Variants in BLOC1S3 observed in about 807,000 individuals in gnomAD.
BLOC1S3 encodes the protein biogenesis of lysosome-related organelles complex 1 subunit 3.
BLOC1S3 carries 7 observed loss-of-function variants against 9.1 expected under a neutral mutation model. That is an observed-to-expected ratio of 0.77 (90% CI 0.44 to 1.45). The LOEUF is 1.45. Among genes scored for constraint, BLOC1S3 ranks in the 40% most tolerant of loss-of-function variants. The pLI, the probability that BLOC1S3 is intolerant of heterozygous loss-of-function variation, is 0.01. For missense variants in BLOC1S3, 307 were observed against 315.2 expected (o/e 0.97, Z 0.20); for synonymous variants, 145 against 158.4 (o/e 0.92, Z 0.64).
intron 3 of BLOC1S3, chr19:45,216,024 G>C: frequency 1.9e-6 from 3 of 1,605,290 alleles, no homozygotes; most frequent in Non-Finnish European, 2.6e-6. Context: ...AGGCCGCCAG[G>C]AGACCTCGGC....
intron 2 of BLOC1S3, among the ~76,000 whole-genome samples, chr19:45,199,183 G>A (rs866913073): frequency 2.2e-4 from 34 of 151,894 alleles, no homozygotes; most frequent in African/African-American, 8.2e-4. Context: ...GGTTTGGAAA[G>A]TTCTCTGTTA....
At chr19:45,189,939 G>A (rs181425123) in intron 2 of BLOC1S3, among the ~76,000 whole-genome samples, 105 of 152,010 alleles carry the variant, frequency 6.9e-4, no homozygotes, top group African/African-American at 2.1e-3. Flanking sequence ...TTGTAGGTAT[G>A]CTTTATTCTT....
rs1969457834 is a variant in BLOC1S3 at position 45,178,828 on chromosome 19, C to G, written c.-13C>G. The G allele has an allele frequency of 1.2e-5, 2 of 160,074 alleles. No individual in the cohort carries two copies. Among genetic ancestry groups the G allele is most frequent in the Non-Finnish European group, 2.7e-5 (2 of 73,312 alleles). The allele number at this position is 160,074 out of a possible 1,614,324, so 9.9% of individuals were successfully genotyped here. A position where few individuals can be genotyped will look rare whatever the true frequency, so the allele number is the denominator to read the frequency against. On this transcript the variant is annotated 5_prime_UTR_variant, in exon 1 of 2. Transcript: ENST00000433642. The stretch of plus-strand genomic sequence containing the variant: ...TCTCGCAAGCTCCGAGCGTCAGCTG[C>G]CGGGTACGGTCTTTGGCGTTAGCGC...
chr19:45,207,408 C>T (rs1185660171), intron 3 of BLOC1S3, among the ~76,000 whole-genome samples: 2 of 151,932 alleles, frequency 1.3e-5, no homozygotes, highest in Non-Finnish European at 2.9e-5. Flanking sequence ...GCTGGGATTA[C>T]AGGCGTGAGC....
At chr19:45,185,715 A>T (rs965840632), downstream of BLOC1S3, among the ~76,000 whole-genome samples, 2 of 151,850 alleles carry the variant, frequency 1.3e-5, no homozygotes, top group Non-Finnish European at 2.9e-5. Context: ...GCCAGGCCAC[A>T]CAGGGCCAGA....
At chr19:45,193,135 A>C (rs1277254260) in intron 2 of BLOC1S3, among the ~76,000 whole-genome samples, 1 of 102,108 alleles carries the variant, frequency 9.8e-6, no homozygotes. Context: ...TCCGTCTCAA[A>C]AAAAAAAAAA....
At chr19:45,188,549 A>ATTATT (rs1969582331) in intron 2 of BLOC1S3, among the ~76,000 whole-genome samples, 6 of 143,316 alleles carry the variant, frequency 4.2e-5, no homozygotes, top group African/African-American at 1.6e-4. Context: ...CATTCTTTCT[A>ATTATT]ATTATTATTA....
intron 2 of BLOC1S3, among the ~76,000 whole-genome samples, chr19:45,193,196 C>T (rs1969620633): frequency 2.1e-5 from 3 of 144,842 alleles, no homozygotes; most frequent in Non-Finnish European, 4.5e-5. Context: ...GTGGCTCTTT[C>T]AGTGATATGA....
chr19:45,213,076 T>C, intron 3 of BLOC1S3: 1 of 1,496,330 alleles, frequency 6.7e-7, no homozygotes, highest in Non-Finnish European at 8.9e-7. Flanking sequence ...CCCTCAGCGC[T>C]GGGCCCGAGG....
chr19:45,197,561 T>TC (rs1299897768), intron 2 of BLOC1S3, among the ~76,000 whole-genome samples: 1 of 149,636 alleles, frequency 6.7e-6, no homozygotes, highest in East Asian at 2.0e-4. Context: ...GTGTGGTGGC[T>TC]CCCCCTGTGA....
At chr19:45,183,627 T>TC (rs1555752559), downstream of BLOC1S3, among the ~76,000 whole-genome samples, 5 of 132,612 alleles carry the variant, frequency 3.8e-5, no homozygotes, top group Non-Finnish European at 6.4e-5. Flanking sequence ...TCTTTTCTTT[T>TC]TTTTTTTTTT....
At chr19:45,195,754 T>C (rs1427471474) in intron 2 of BLOC1S3, among the ~76,000 whole-genome samples, 5 of 152,010 alleles carry the variant, frequency 3.3e-5, no homozygotes, top group Non-Finnish European at 7.4e-5. Flanking sequence ...ACCACCACGC[T>C]TGGCTAATTT....
In BLOC1S3 at chr19:45,179,370, C is replaced by T. The variant is rs1003298966; in HGVS notation, c.74C>T (p.Thr25Met). The T allele has an allele frequency of 6.3e-7, 1 of 1,584,982 alleles. No homozygotes were observed. Reference sequence around the variant, plus strand: ...GTGGTGCCGGGGGAGGCGACCGAGACGGATTCCGAGCGCTCTGCGTCCTCG... The same window carrying T: ...GTGGTGCCGGGGGAGGCGACCGAGATGGATTCCGAGCGCTCTGCGTCCTCG... ...ETVVPGEATE[T>M]DSERSASSSE... Residue 25 changes from threonine to methionine, a missense_variant, in exon 2 of 2, where the codon ACG becomes ATG. Physicochemically the swap from Thr to Met is moderately conservative, Grantham distance 81 (BLOSUM62 -1). Coordinates refer to ENST00000433642, the MANE Select transcript of BLOC1S3 (RefSeq NM_212550.5). The surrounding 1 kb of genome is among the most constrained non-coding windows in gnomAD (Gnocchi z 4.6).
At position 45,209,326 on chromosome 19, in the gene BLOC1S3, C is replaced by T. The variant is rs143355908; in HGVS notation, n.282+6819C>T. On this transcript the variant is annotated intron_variant and non_coding_transcript_variant, in intron 3 of 3. Transcript: ENST00000591569. ...GGCCTCCCACAGTGCTGGGATTACA[C>T]GCATAAGCCACTGCGCCTGACCAAC... is the stretch of plus-strand genomic sequence containing the variant. 3.2e-3 allele frequency among the ~76,000 whole-genome samples: 483 copies of T among 151,794 alleles called. 1 individual carries two copies. The highest frequency in any genetic ancestry group is 6.9e-3 in the Middle Eastern group (2 of 290).
chr19:45,179,281 C>T lies in BLOC1S3; in HGVS notation c.-9-7C>T, dbSNP rs745855551. ...TCACGTGCAGTCCCTTCGCTCTTCT[C>T]CCCTAGTTCGGTGCCATGGCGTCCC... On this transcript the variant is annotated splice_polypyrimidine_tract_variant and splice_region_variant and intron_variant, in intron 1 of 1. Coordinates refer to ENST00000433642, the MANE Select transcript of BLOC1S3 (RefSeq NM_212550.5). This position sits in a 1 kb window ranked among gnomAD's most constrained non-coding sequence, Gnocchi z 4.6. The T allele has an allele frequency of 3.9e-5, 61 of 1,571,676 alleles. No homozygotes were observed. The highest frequency in any genetic ancestry group is 3.7e-4 in the South Asian group (32 of 87,274).
chr19:45,193,127 C>T (rs12980440), intron 2 of BLOC1S3, among the ~76,000 whole-genome samples: 52,523 of 110,030 alleles, frequency 0.48, 11,279 homozygotes, highest in Admixed American at 0.49. Context: ...AGCAAAACTC[C>T]GTCTCAAAAA....
intron 3 of BLOC1S3, among the ~76,000 whole-genome samples, chr19:45,211,825 C>CA (rs1969774259): frequency 1.3e-5 from 2 of 151,674 alleles, no homozygotes; most frequent in East Asian, 3.9e-4. Context: ...CACATACACA[C>CA]AAAAAATCCC....
chr19:45,199,129 T>C (rs1204524188), intron 2 of BLOC1S3: 1 of 152,172 alleles, frequency 6.6e-6, no homozygotes, highest in African/African-American at 2.4e-5. Context: ...ATCTGCCTAG[T>C]GTTCTATAAC....
chr19:45,206,353 CAAAAAAAA>C (rs529931068), intron 3 of BLOC1S3, among the ~76,000 whole-genome samples: 2,465 of 83,938 alleles, frequency 0.029, 123 homozygotes, highest in African/African-American at 0.11. Flanking sequence ...GTGAAACTCT[CAAAAAAAA>C]AAAAAAAAAA....
Sources: gnomAD v4.1 joint callset for allele counts (sites outside exome capture counted in the v4.1 genomes callset) on GRCh38, gnomAD v4.1.1 for gene constraint, Gnocchi (gnomAD v3.1) non-coding constraint, MANE v1.5 for transcripts, NCBI Gene and HGNC (gene_info 2026-07-23, HGNC 2026-07-21) for gene names.